Variants in KCNMA1 observed in about 807,000 individuals in gnomAD.
The protein encoded by KCNMA1 is potassium calcium-activated channel subfamily M alpha 1.
Under a neutral mutation model 140.0 loss-of-function variants are expected in KCNMA1, and 29 were observed. The ratio of observed to expected loss-of-function variants is 0.21; its 90% CI spans 0.15 to 0.28. KCNMA1 has a LOEUF of 0.28. KCNMA1 is among the 10% of genes least tolerant of loss of function. The pLI, the probability that KCNMA1 is intolerant of heterozygous loss-of-function variation, is 1.00. For synonymous variants in KCNMA1, 612 were observed against 611.9 expected, an observed-to-expected ratio of 1.00 and a Z score of 0.00; for missense variants, 880 against 1,602.2, an observed-to-expected ratio of 0.55 and a Z score of 7.70.
At chr10:77,605,156 G>C (rs2084011898) in intron 1 of KCNMA1, among the ~76,000 whole-genome samples, 1 of 152,244 alleles carries the variant, frequency 6.6e-6, no homozygotes, top group South Asian at 2.1e-4. Flanking sequence ...CCCAGCCGCA[G>C]CCCAGGGGCA....
chr10:77,605,884 C>T (rs2084316808), intron 1 of KCNMA1, among the ~76,000 whole-genome samples: 1 of 152,206 alleles, frequency 6.6e-6, no homozygotes. Context: ...AAAACTAGGA[C>T]TTATGGAGGA....
chr10:77,384,863 T>C (rs542082714), intron 2 of KCNMA1, among the ~76,000 whole-genome samples: 9 of 152,368 alleles, frequency 5.9e-5, no homozygotes, highest in Admixed American at 3.3e-4. Flanking sequence ...TGCCCATTCA[T>C]TCCTTCACTC....
At chr10:77,230,920 A>C (rs1361711370) in intron 3 of KCNMA1, among the ~76,000 whole-genome samples, 2 of 152,070 alleles carry the variant, frequency 1.3e-5, no homozygotes, top group Non-Finnish European at 2.9e-5. Flanking sequence ...CTTCTGCTTG[A>C]AGTGAAGCAG....
chr10:77,447,063 G>A (rs1455332383), intron 1 of KCNMA1, among the ~76,000 whole-genome samples: 4 of 152,192 alleles, frequency 2.6e-5, no homozygotes, highest in African/African-American at 4.8e-5. Context: ...TCAGGGAGAC[G>A]GCTTTGCAAA....
chr10:77,354,951 A>C (rs2093334619), intron 2 of KCNMA1, among the ~76,000 whole-genome samples: 1 of 152,178 alleles, frequency 6.6e-6, no homozygotes, highest in South Asian at 2.1e-4. Context: ...TGAGCATTTG[A>C]TATGGTTTGG....
chr10:77,610,001 G>A (rs1489694933), intron 1 of KCNMA1, among the ~76,000 whole-genome samples: 1 of 152,236 alleles, frequency 6.6e-6, no homozygotes, highest in Non-Finnish European at 1.5e-5. Context: ...AAGGCGGCCA[G>A]TCACCCACCA....
chr10:77,147,324 A>G (rs1416731570), intron 5 of KCNMA1, among the ~76,000 whole-genome samples: 5 of 152,200 alleles, frequency 3.3e-5, no homozygotes, highest in African/African-American at 1.2e-4. Context: ...ACAGGTCTCA[A>G]GTTACAAGGG....
At chr10:77,564,313 C>T (rs575603178) in intron 1 of KCNMA1, among the ~76,000 whole-genome samples, 3 of 152,194 alleles carry the variant, frequency 2.0e-5, no homozygotes, top group Non-Finnish European at 4.4e-5. Context: ...TGGCTCATGC[C>T]TGTAACACGA....
rs75496344 is a variant in KCNMA1 at position 76,908,938 on chromosome 10, T to C, written c.3147+1028A>G. 3.7e-3 allele frequency among the ~76,000 whole-genome samples: 567 copies of C among 152,368 alleles called. 2 individuals carry two copies. Among genetic ancestry groups the C allele is most frequent in the African/African-American group, 0.013 (549 of 41,600 alleles). The stretch of plus-strand genomic sequence containing the variant: ...TGCAGTGAAAGATGGCTCCATAATG[T>C]TGGGACCCATTTTTTAATCGTTATT... On this transcript the variant is annotated intron_variant, in intron 25 of 27. Transcript: ENST00000286628.
intron 5 of KCNMA1, among the ~76,000 whole-genome samples, chr10:77,133,823 G>T (rs1456748413): frequency 6.6e-6 from 1 of 152,110 alleles, no homozygotes; most frequent in African/African-American, 2.4e-5. Context: ...GCCATGAGCA[G>T]TCTCAAAAAC....
In KCNMA1 at chr10:77,206,114, C is replaced by T. The variant is rs763050084; in HGVS notation, c.603-21198G>A. On this transcript the variant is annotated intron_variant, in intron 3 of 27. Coordinates refer to ENST00000286628, the MANE Select transcript of KCNMA1 (RefSeq NM_001161352.2). ...CAAATAAGCCCATTTCCCCATAAGGCGAGAGAACATTTGTTTAATTTAAAG... is the reference window on the plus strand; with the variant it reads ...CAAATAAGCCCATTTCCCCATAAGGTGAGAGAACATTTGTTTAATTTAAAG... Among the ~76,000 whole-genome samples, 8 of 152,164 alleles carry T rather than the reference C, an allele frequency of 5.3e-5. No individual in the cohort carries two copies. In the South Asian group the frequency reaches 8.3e-4, roughly 16 times the overall value.
At chr10:77,265,527 C>T (rs1407736368) in intron 2 of KCNMA1, among the ~76,000 whole-genome samples, 1 of 152,090 alleles carries the variant, frequency 6.6e-6, no homozygotes, top group Admixed American at 6.6e-5. Context: ...AGGTATGTGC[C>T]ATTTGGACAA....
intron 11 of KCNMA1, among the ~76,000 whole-genome samples, chr10:77,085,954 C>T (rs562942498): frequency 3.9e-5 from 6 of 152,208 alleles, no homozygotes; most frequent in East Asian, 1.9e-4. Context: ...AAAAAAGATT[C>T]GCCCATTATC....
At chr10:77,511,721 G>A (rs540983056) in intron 1 of KCNMA1, among the ~76,000 whole-genome samples, 7 of 152,280 alleles carry the variant, frequency 4.6e-5, no homozygotes, top group East Asian at 3.9e-4. Context: ...GCTCATCTGC[G>A]TACTGTCAGC....
intron 1 of KCNMA1, among the ~76,000 whole-genome samples, chr10:77,498,098 A>G (rs1464948081): frequency 6.6e-6 from 1 of 152,206 alleles, no homozygotes; most frequent in Non-Finnish European, 1.5e-5. Context: ...CTGAAAAAAA[A>G]AAATCAGTTA....
chr10:77,068,028 T>A (rs943826743), intron 14 of KCNMA1, among the ~76,000 whole-genome samples: 2 of 152,198 alleles, frequency 1.3e-5, no homozygotes, highest in African/African-American at 4.8e-5. Context: ...TCACATTTCC[T>A]TTCAGTATAC....
intron 2 of KCNMA1, among the ~76,000 whole-genome samples, chr10:77,299,782 G>T (rs1323964871): frequency 6.6e-6 from 1 of 152,108 alleles, no homozygotes; most frequent in Non-Finnish European, 1.5e-5. Context: ...CATGCTGTTG[G>T]GGCAAACTGG....
rs2094063846 is a variant in KCNMA1, at chr10:77,033,160, G to C, written c.1860-5269C>G. Among the ~76,000 whole-genome samples, 3 of 152,088 alleles carry C rather than the reference G, an allele frequency of 2.0e-5. No homozygotes were observed. The South Asian group carries it at 6.2e-4, about 32-fold the overall frequency. ...ATACGGATACAAACACTGCACATTG[G>C]GAAACAAGGTCTTCTGGATCGAGGG... On this transcript the variant is annotated intron_variant, in intron 15 of 27. Transcript: ENST00000286628.
rs2098160905 is a variant in KCNMA1, at chr10:77,471,763, A to T, written c.379-67740T>A. Among the ~76,000 whole-genome samples, 4 of 151,720 alleles carry T rather than the reference A, an allele frequency of 2.6e-5. No homozygotes were observed. In the South Asian group the frequency reaches 8.3e-4, roughly 32 times the overall value. On this transcript the variant is annotated intron_variant, in intron 1 of 27. Transcript: ENST00000286628. ...TACACGCATTGTCCACACACCATCC[A>T]CGTACATACCACACATATACACACA...
Sources: allele counts gnomAD v4.1 joint callset (sites outside exome capture counted in the v4.1 genomes callset), GRCh38; gene constraint gnomAD v4.1.1; transcripts MANE v1.5; gene names NCBI Gene and HGNC (gene_info 2026-07-23, HGNC 2026-07-21).